FCHSD2: variants seen among roughly 807,000 people sequenced by gnomAD.
FCHSD2 encodes the protein F-BAR and double SH3 domains protein 2.
A neutral mutation model predicts 108.1 loss-of-function variants in FCHSD2; 38 were observed. The ratio of observed to expected loss-of-function variants is 0.35; its 90% CI spans 0.27 to 0.46. The LOEUF is 0.46. Ranked by LOEUF, FCHSD2 falls within the 20% of genes least tolerant of loss-of-function variation. The probability of loss-of-function intolerance (pLI) is 1.00; values close to 1 mark genes in which losing one functional copy is unlikely to be tolerated. For synonymous variants in FCHSD2, 279 were observed against 314.7 expected, an observed-to-expected ratio of 0.89 and a Z score of 1.20; for missense variants, 751 against 897.8, an observed-to-expected ratio of 0.84 and a Z score of 2.09.
intron 8 of FCHSD2, among the ~76,000 whole-genome samples, chr11:72,959,989 A>T (rs1325734912): frequency 1.3e-5 from 2 of 152,158 alleles, no homozygotes; most frequent in Non-Finnish European, 2.9e-5. Flanking sequence ...AAACCTACAC[A>T]CTTCAAACAC....
At chr11:73,137,011 G>A (rs972747515) in intron 2 of FCHSD2, among the ~76,000 whole-genome samples, 1 of 152,174 alleles carries the variant, frequency 6.6e-6, no homozygotes, top group African/African-American at 2.4e-5. Context: ...CTAGCCAACA[G>A]AGCGAGACTT....
At chr11:73,109,985 A>G (rs1456341213) in intron 2 of FCHSD2, among the ~76,000 whole-genome samples, 1 of 152,230 alleles carries the variant, frequency 6.6e-6, no homozygotes, top group Non-Finnish European at 1.5e-5. Context: ...ACGATGTATC[A>G]TACTGACTGA....
chr11:72,922,144 C>A (rs1473602724), intron 8 of FCHSD2, among the ~76,000 whole-genome samples, 194 bp from the exon 9 acceptor site: 1 of 152,016 alleles, frequency 6.6e-6, no homozygotes, highest in African/African-American at 2.4e-5. Flanking sequence ...CTCTAATAAA[C>A]AGGAACTAAA....
chr11:72,927,824 A>G (rs1375532211), intron 8 of FCHSD2, among the ~76,000 whole-genome samples: 1 of 152,216 alleles, frequency 6.6e-6, no homozygotes, highest in Non-Finnish European at 1.5e-5. Context: ...GAGCACCAAT[A>G]GGTACTGTTA....
chr11:72,858,454 C>A (rs1248223138), intron 13 of FCHSD2, among the ~76,000 whole-genome samples: 1 of 152,152 alleles, frequency 6.6e-6, no homozygotes, highest in Non-Finnish European at 1.5e-5. Context: ...AGAATGAGAT[C>A]ATGTCCTTTG....
intron 3 of FCHSD2, among the ~76,000 whole-genome samples, chr11:73,074,668 CA>C (rs1340522664): frequency 2.6e-5 from 4 of 152,094 alleles, no homozygotes; most frequent in Non-Finnish European, 4.4e-5. Context: ...AAAAAGCTAT[CA>C]AACAAAACAT....
At chr11:73,117,561 G>C (rs1860633026) in intron 2 of FCHSD2, among the ~76,000 whole-genome samples, 1 of 152,150 alleles carries the variant, frequency 6.6e-6, no homozygotes, top group African/African-American at 2.4e-5. Context: ...TTTTCATTGT[G>C]TGGTATTTAG....
chr11:72,840,870 G>A lies in FCHSD2; in HGVS notation c.2139+7C>T. Reference sequence around the variant, plus strand: ...CATTCGATAATCCTGCAAGATCAGAGACTTACAGGTCGCAGTTTGCCATAT... The same window carrying A: ...CATTCGATAATCCTGCAAGATCAGAAACTTACAGGTCGCAGTTTGCCATAT... On this transcript the variant is annotated splice_region_variant and intron_variant, in intron 19 of 19. Coordinates refer to ENST00000409418, the MANE Select transcript of FCHSD2 (RefSeq NM_014824.3). 6.3e-7 allele frequency: 1 copy of A among 1,585,988 alleles called. No individual in the cohort carries two copies. The highest frequency in any genetic ancestry group is 1.1e-5 in the South Asian group (1 of 90,478).
At chr11:72,972,901 T>C (rs969434432) in intron 8 of FCHSD2, among the ~76,000 whole-genome samples, 1 of 152,118 alleles carries the variant, frequency 6.6e-6, no homozygotes, top group Admixed American at 6.5e-5. Context: ...AAAGGTACAA[T>C]AAAAGGATTG....
At chr11:73,038,513 A>C (rs2135460042) in intron 3 of FCHSD2, among the ~76,000 whole-genome samples, 1 of 152,328 alleles carries the variant, frequency 6.6e-6, no homozygotes, top group East Asian at 1.9e-4. Flanking sequence ...GATACTATGC[A>C]GCCATGAAAA....
At chr11:72,851,696 T>C (rs946053398) in intron 13 of FCHSD2, among the ~76,000 whole-genome samples, 2 of 152,180 alleles carry the variant, frequency 1.3e-5, no homozygotes, top group African/African-American at 4.8e-5. Flanking sequence ...TGAGCCGAGA[T>C]TGTGCCACTG....
chr11:73,033,219 C>T (rs1197747655), intron 3 of FCHSD2, among the ~76,000 whole-genome samples: 3 of 150,408 alleles, frequency 2.0e-5, no homozygotes, highest in African/African-American at 4.9e-5. Flanking sequence ...ACCCGGGAGG[C>T]GGAGGTTGCA....
At chr11:72,935,896 C>T (rs1374964653) in intron 8 of FCHSD2, among the ~76,000 whole-genome samples, 1 of 152,186 alleles carries the variant, frequency 6.6e-6, no homozygotes, top group Non-Finnish European at 1.5e-5. Flanking sequence ...TTGTGTTATC[C>T]TCTTGCATTA....
chr11:72,968,105 A>G lies in FCHSD2; in HGVS notation c.705+15983T>C, dbSNP rs1856946768. ...GACTCTGTCTCAAAAAAAAAAAAAA[A>G]GAAGTGGGCAGAGAACAGAGCATAT... is the stretch of plus-strand genomic sequence containing the variant. On this transcript the variant is annotated intron_variant, in intron 8 of 19. Coordinates refer to ENST00000409418, the MANE Select transcript of FCHSD2 (RefSeq NM_014824.3). Among the ~76,000 whole-genome samples the G allele has an allele frequency of 2.6e-5, 4 of 151,740 alleles. No individual in the cohort carries two copies. In the South Asian group the frequency reaches 8.3e-4, roughly 31 times the overall value.
intron 8 of FCHSD2, among the ~76,000 whole-genome samples, chr11:72,945,499 C>G (rs954555905): frequency 6.6e-6 from 1 of 152,186 alleles, no homozygotes; most frequent in African/African-American, 2.4e-5. Flanking sequence ...GCAAGGACTT[C>G]ATGTCTAAAA....
At chr11:73,095,108 T>C (rs1860045013) in intron 2 of FCHSD2, among the ~76,000 whole-genome samples, 2 of 152,182 alleles carry the variant, frequency 1.3e-5, no homozygotes, top group Admixed American at 6.5e-5. Context: ...ACAAATGCTA[T>C]AGTCATAGAA....
At chr11:72,991,561 GCT>G (rs1384003128) in intron 5 of FCHSD2, among the ~76,000 whole-genome samples, 1 of 151,960 alleles carries the variant, frequency 6.6e-6, no homozygotes, top group Non-Finnish European at 1.5e-5. Context: ...TTCAACATAC[GCT>G]GATCAAGTGG....
At chr11:72,970,992 T>G (rs1423419678) in intron 8 of FCHSD2, among the ~76,000 whole-genome samples, 1 of 152,126 alleles carries the variant, frequency 6.6e-6, no homozygotes, top group African/African-American at 2.4e-5. Context: ...TAGCAAGCCC[T>G]CAGAATTCAA....
chr11:72,873,418 C>G (rs537392309), intron 12 of FCHSD2, among the ~76,000 whole-genome samples: 2 of 151,700 alleles, frequency 1.3e-5, no homozygotes, highest in South Asian at 4.2e-4. Context: ...GACCCTTTTC[C>G]CATTTTTAAG....
Sources: allele counts gnomAD v4.1 joint callset (sites outside exome capture counted in the v4.1 genomes callset), GRCh38; gene constraint gnomAD v4.1.1; transcripts MANE v1.5; gene names NCBI Gene and HGNC (gene_info 2026-07-23, HGNC 2026-07-21).